HOXA3: variants seen among roughly 807,000 people sequenced by gnomAD.
HOXA3 encodes the protein homeobox A3.
HOXA3 carries 8 observed loss-of-function variants against 30.3 expected under a neutral mutation model. The observed-to-expected ratio is 0.26, with a 90% CI of 0.15 to 0.48. The LOEUF is 0.48. HOXA3 is among the 20% of genes least tolerant of loss of function. The pLI, the probability that HOXA3 is intolerant of heterozygous loss-of-function variation, is 0.99. For synonymous variants in HOXA3, 323 were observed against 273.1 expected (o/e 1.18, Z -1.80); for missense variants, 653 against 614.4 (o/e 1.06, Z -0.66).
chr7:27,141,658 T>C (rs527398886), intron 1 of HOXA3: 2 of 677,370 alleles, frequency 3.0e-6, no homozygotes, highest in African/African-American at 3.6e-5. Flanking sequence ...AGAAAGCAGA[T>C]CTACTTATAC....
chr7:27,110,171 G>A lies in HOXA3; in HGVS notation c.470C>T (p.Pro157Leu). The A allele has an allele frequency of 6.2e-7, 1 of 1,614,196 alleles. No individual in the cohort carries two copies. The highest frequency in any genetic ancestry group is 8.5e-7 in the Non-Finnish European group (1 of 1,180,036). Residue 157 changes from proline (P) to leucine (L), a missense_variant, in exon 5 of 6, where the codon CCC becomes CTC. This residue lies in a region of HOXA3 where 320 missense variants were observed against 321.9 expected (regional missense o/e 0.99). Transcript: ENST00000612286. ...NSPTVAKQIF[P>L]WMKESRQNTK... is the part of the protein sequence containing the mutation. ...GTTTTGTCGAGACTCTTTCATCCAGGGGAAGATTTGTTTGGCCACTGTGGG... is the reference window on the plus strand; with the variant it reads ...GTTTTGTCGAGACTCTTTCATCCAGAGGAAGATTTGTTTGGCCACTGTGGG...
At chr7:27,134,471 T>C (rs1253804304) in intron 2 of HOXA3, among the ~76,000 whole-genome samples, 2 of 152,248 alleles carry the variant, frequency 1.3e-5, no homozygotes, top group Non-Finnish European at 2.9e-5. Flanking sequence ...TCTATGGTTT[T>C]TGAAGCTGAC....
chr7:27,144,722 T>C (rs1390094906), intron 1 of HOXA3, among the ~76,000 whole-genome samples: 1 of 152,222 alleles, frequency 6.6e-6, no homozygotes, highest in African/African-American at 2.4e-5. Flanking sequence ...TCCTTGGCAG[T>C]GCCTAGTATC....
At chr7:27,109,992 G>T in intron 5 of HOXA3, 123 bp downstream of exon 5, 1 of 1,205,570 alleles carries the variant, frequency 8.3e-7, no homozygotes, top group Admixed American at 1.9e-5. Flanking sequence ...GGTGGGCAGT[G>T]GTGTGGGAGC....
At chr7:27,147,674 G>T (rs747901674) in intron 1 of HOXA3, 4 of 1,613,926 alleles carry the variant, frequency 2.5e-6, no homozygotes, top group African/African-American at 2.7e-5. Context: ...TGGTAGAGGG[G>T]CAGCTGGCCC....
Position 27,120,678 on chromosome 7 carries a change from T to C in HOXA3, c.-121+1881A>G, listed in dbSNP as rs1158601806. ...CAAACGGCTGCTAACATCCAGTTAA[T>C]GCTCCAACTGCTGTTTAACAATTAA... On this transcript the variant is annotated intron_variant, in intron 4 of 5. Transcript: ENST00000612286. Among the ~76,000 whole-genome samples the C allele has an allele frequency of 5.9e-5, 9 of 152,206 alleles. No homozygotes were observed. In the East Asian group the frequency reaches 1.7e-3, roughly 29 times the overall value.
At position 27,138,965 on chromosome 7, in the gene HOXA3, T is replaced by C. The variant is rs572320200; in HGVS notation, c.-390+1118A>G. 2.0e-4 allele frequency among the ~76,000 whole-genome samples: 31 copies of C among 152,304 alleles called. No homozygotes were observed. The East Asian group carries it at 5.0e-3, about 25-fold the overall frequency. On this transcript the variant is annotated intron_variant, in intron 2 of 5. Transcript: ENST00000612286. Reference sequence around the variant, plus strand: ...GACACCTCAATTTCCCCCAAAACTTTAGAGCACAGTTTGGAACAGAGAATT... The same window carrying C: ...GACACCTCAATTTCCCCCAAAACTTCAGAGCACAGTTTGGAACAGAGAATT...
rs534675673 is a variant in HOXA3, at chr7:27,148,758, A to T, written c.-494+3530T>A. Among the ~76,000 whole-genome samples, 3 of 152,378 alleles carry T rather than the reference A, an allele frequency of 2.0e-5. No homozygotes were observed. In the East Asian group the frequency reaches 5.8e-4, roughly 29 times the overall value. ...TCCCCTGCCTAGCGCCTGGGGACTC[A>T]GCATCCACTGCGAGAACCGCTCAGA... On this transcript the variant is annotated intron_variant, in intron 1 of 5. Transcript: ENST00000612286.
intron 2 of HOXA3, chr7:27,128,083 C>T (rs973963510): frequency 2.6e-5 from 4 of 152,212 alleles, no homozygotes; most frequent in Non-Finnish European, 4.4e-5. Flanking sequence ...GAAGGTGCAA[C>T]AAATACCAAA....
intron 5 of HOXA3, 43 bp downstream of exon 5, chr7:27,110,072 G>A (rs1784273845): frequency 6.2e-7 from 1 of 1,613,170 alleles, no homozygotes; most frequent in Non-Finnish European, 8.5e-7. Flanking sequence ...TTGGGGACCA[G>A]GAGCCAGGCC....
intron 2 of HOXA3, among the ~76,000 whole-genome samples, chr7:27,131,207 C>G (rs1006812227): frequency 6.6e-6 from 1 of 152,242 alleles, no homozygotes; most frequent in African/African-American, 2.4e-5. Context: ...CAGCGCTGAC[C>G]TCGGGCGCAA....
chr7:27,110,316 G>A lies in HOXA3; in HGVS notation c.325C>T (p.Pro109Ser), dbSNP rs1445457290. The stretch of plus-strand genomic sequence containing the variant: ...GCAGGGGTAGGTGCAGGGGGCTGAG[G>A]TGCGGGCTGAGGCGGCTGTGGGGCA... Reference protein sequence around the residue: ...PPAPQPPQPAPQPPAPTPAAP... With the variant: ...PPAPQPPQPASQPPAPTPAAP... Residue 109 changes from proline (P) to serine (S), a missense_variant, in exon 5 of 6, where the codon CCT becomes TCT. Around this residue, in one of 3 missense-constraint regions of HOXA3, gnomAD observed 320 missense variants for 321.9 expected, o/e 0.99. Coordinates refer to ENST00000612286, the MANE Select transcript of HOXA3 (RefSeq NM_153631.3). 6.5e-6 allele frequency: 10 copies of A among 1,545,368 alleles called. No individual in the cohort carries two copies. In the South Asian group the frequency reaches 8.5e-5, roughly 13 times the overall value.
chr7:27,132,788 C>T lies in HOXA3; in HGVS notation c.-389-5718G>A, dbSNP rs17500764. 5.3e-3 allele frequency among the ~76,000 whole-genome samples: 804 copies of T among 152,220 alleles called. 7 individuals carry two copies. The highest frequency in any genetic ancestry group is 0.017 in the African/African-American group (711 of 41,502). On this transcript the variant is annotated intron_variant, in intron 2 of 5. Transcript: ENST00000612286. ...AAATGTAATATAAATAATATATAGA[C>T]ATACGTATTACAAATCTGAACCCTA... is the stretch of plus-strand genomic sequence containing the variant.
chr7:27,108,256 C>T lies in HOXA3; in HGVS notation c.991G>A (p.Ala331Thr), dbSNP rs772052156. Residue 331 changes from alanine (A) to threonine (T), a missense_variant, in exon 6 of 6, where the codon GCG becomes ACG. Physicochemically the swap from Ala to Thr is moderately conservative, Grantham distance 58. This residue lies in a region of HOXA3 where 330 missense variants were observed against 274.4 expected (regional missense o/e 1.20). Transcript: ENST00000612286. This position sits in a 1 kb window ranked among gnomAD's most constrained non-coding sequence, Gnocchi z 5.0. ...PPPPPQKRYT[A>T]AGAGAGGTPD... ...GTGCCCCCTGCGCCCGCCCCTGCCG[C>T]CGTGTAGCGCTTCTGTGGGGGTGGC... 1.5e-5 allele frequency: 23 copies of T among 1,518,836 alleles called. No individual in the cohort carries two copies. The highest frequency in any genetic ancestry group is 2.2e-5 in the Admixed American group (1 of 45,628). 94.1% of individuals were successfully genotyped at this position (1,518,836 alleles called of 1,614,324 possible). A position where few individuals can be genotyped will look rare whatever the true frequency, so the allele number is the denominator to read the frequency against.
intron 2 of HOXA3, chr7:27,130,895 C>A: frequency 4.1e-6 from 3 of 724,220 alleles, no homozygotes; most frequent in Non-Finnish European, 4.7e-6. Context: ...CCGCAGACGC[C>A]GCCACCAAAG....
In HOXA3 at chr7:27,135,360, G is replaced by A. The variant is rs375471167; in HGVS notation, c.-390+4723C>T. Among the ~76,000 whole-genome samples the A allele has an allele frequency of 4.0e-5, 6 of 151,860 alleles. No individual in the cohort carries two copies. In the East Asian group the frequency reaches 7.7e-4, roughly 20 times the overall value. On this transcript the variant is annotated intron_variant, in intron 2 of 5. Coordinates refer to ENST00000612286, the MANE Select transcript of HOXA3 (RefSeq NM_153631.3). ...AGCATTTCTCTTACATTCAATTGTGGTTTAATAATAAACATTAAAAAAATT... is the reference window on the plus strand; with the variant it reads ...AGCATTTCTCTTACATTCAATTGTGATTTAATAATAAACATTAAAAAAATT...
chr7:27,108,708 G>A lies in HOXA3; in HGVS notation c.539C>T (p.Ala180Val). 1 of 1,601,180 alleles carries A rather than the reference G, an allele frequency of 6.2e-7. No individual in the cohort carries two copies. The highest frequency in any genetic ancestry group is 8.5e-7 in the Non-Finnish European group (1 of 1,171,520). The change falls in exon 6 of 6, where the codon GCT (alanine) becomes GTT (valine). Residue 180 changes from alanine (A) to valine (V), a missense_variant. By Grantham distance (64) the Ala-to-Val change is moderately conservative. Transcript: ENST00000612286. This position sits in a 1 kb window ranked among gnomAD's most constrained non-coding sequence, Gnocchi z 5.0. ...CTGCCCCGGCGGGCTCTTGTCGCCA[G>A]CGCAGCTTTCGCCTGCGAGGACAGA... is the stretch of plus-strand genomic sequence containing the variant. ...TSSSSSGESC[A>V]GDKSPPGQAS...
chr7:27,109,911 G>T (rs562361823), intron 5 of HOXA3: 174 of 620,856 alleles, frequency 2.8e-4, no homozygotes, highest in Non-Finnish European at 4.6e-4. Flanking sequence ...ACTCCCAGCA[G>T]GTCTCTGGTG....
chr7:27,107,525 TAAA>T lies in HOXA3; in HGVS notation c.*387_*389del, dbSNP rs938801173. 6.0e-6 allele frequency: 1 copy of T among 166,706 alleles called. No individual in the cohort carries two copies. The highest frequency in any genetic ancestry group is 2.4e-5 in the African/African-American group (1 of 41,998). The allele number at this position is 166,706 out of a possible 1,614,324, so 10.3% of individuals were successfully genotyped here. On this transcript the variant is annotated 3_prime_UTR_variant, in exon 6 of 6. Coordinates refer to ENST00000612286, the MANE Select transcript of HOXA3 (RefSeq NM_153631.3). ...TGCAATTAAAAAAAAAATTTAAAAT[TAAA>T]AAAAGTAATCGCTTCCCCTCGGGAG...
Sources: gnomAD v4.1 joint callset for allele counts (sites outside exome capture counted in the v4.1 genomes callset) on GRCh38, gnomAD v4.1.1 for gene constraint, gnomAD v4.1.1 regional missense constraint, Gnocchi (gnomAD v3.1) non-coding constraint, MANE v1.5 for transcripts, NCBI Gene and HGNC (gene_info 2026-07-23, HGNC 2026-07-21) for gene names.